The following MTCH1 variants were observed in gnomAD, a reference collection of about 807,000 sequenced individuals.
MTCH1 encodes the protein mitochondrial carrier 1.
In MTCH1, 23 loss-of-function variants were observed where a neutral mutation model predicts 49.3. That is an observed-to-expected ratio of 0.47 (90% confidence interval 0.34 to 0.66). The LOEUF (loss-of-function observed/expected upper bound fraction) is 0.66, where lower values mean the gene tolerates loss of function less well. Ranked by LOEUF, MTCH1 falls within the 30% of genes least tolerant of loss-of-function variation. The pLI is 0.01. For synonymous variants in MTCH1, 229 were observed against 215.2 expected (o/e 1.06, Z -0.56); for missense variants, 397 against 532.1 (o/e 0.75, Z 2.50).
chr6:36,969,994 G>A (rs1259150885), intron 11 of MTCH1, 45 bp downstream of exon 11: 1 of 1,608,616 alleles, frequency 6.2e-7, no homozygotes, highest in East Asian at 2.2e-5. Flanking sequence ...GCTGAAGGAT[G>A]TAGCAAAGAA....
rs750419175 is a variant in MTCH1 at position 36,972,901 on chromosome 6, G to T, written c.762-105C>A. The T allele has an allele frequency of 2.2e-5, 26 of 1,189,166 alleles. No individual in the cohort carries two copies. Among genetic ancestry groups the T allele is most frequent in the Admixed American group, 4.6e-5 (2 of 43,620 alleles). 73.7% of individuals were successfully genotyped at this position (1,189,166 alleles called of 1,614,324 possible). A position where few individuals can be genotyped will look rare whatever the true frequency, so the allele number is the denominator to read the frequency against. ...GGGATGTTCCGAGCTCAAAATCTTA[G>T]CATATCCAATGGCACAGCCTTAGAA... On this transcript the variant is annotated intron_variant, in intron 7 of 11. Transcript: ENST00000373627. The surrounding 1 kb of genome is among the most constrained non-coding windows in gnomAD (Gnocchi z 4.1).
chr6:36,974,672 T>C (rs1325077023), intron 7 of MTCH1, among the ~76,000 whole-genome samples: 1 of 152,098 alleles, frequency 6.6e-6, no homozygotes, highest in African/African-American at 2.4e-5. Flanking sequence ...GGGAGCAAAA[T>C]CACCTCCTGC....
upstream of MTCH1, chr6:36,986,241 C>A: frequency 7.5e-7 from 1 of 1,326,818 alleles, no homozygotes; most frequent in Non-Finnish European, 9.7e-7. Context: ...CGTCAGGGGG[C>A]GGGGCCGGGG....
chr6:36,969,418 C>T (rs1003202660), intron 11 of MTCH1: 30 of 1,063,914 alleles, frequency 2.8e-5, no homozygotes, highest in East Asian at 1.6e-4. Flanking sequence ...CATTTCACTG[C>T]GAGGCAAATC....
At chr6:36,979,072 A>G (rs1763999384) in intron 2 of MTCH1, among the ~76,000 whole-genome samples, 1 of 152,062 alleles carries the variant, frequency 6.6e-6, no homozygotes, top group Non-Finnish European at 1.5e-5. Context: ...AACCTAAAGG[A>G]GGGAAAAAGG....
chr6:36,970,803 T>G, intron 8 of MTCH1, 109 bp from the exon 9 acceptor site: 2 of 1,205,054 alleles, frequency 1.7e-6, no homozygotes, highest in Admixed American at 2.0e-5. Flanking sequence ...ACAAGCACGC[T>G]GCACATGCCT....
chr6:36,977,718 C>A lies in MTCH1; in HGVS notation c.592-27G>T, dbSNP rs1348784131. 1.3e-6 allele frequency: 2 copies of A among 1,586,910 alleles called. No homozygotes were observed. Among genetic ancestry groups the A allele is most frequent in the Non-Finnish European group, 1.7e-6 (2 of 1,165,474 alleles). On this transcript the variant is annotated intron_variant, in intron 4 of 11. Transcript: ENST00000373627. This position sits in a 1 kb window ranked among gnomAD's most constrained non-coding sequence, Gnocchi z 5.4. Reference sequence around the variant, plus strand: ...TGGAAGAGAGCATGGGGTGGGGACTCGCCACCCTCGGCCTGTCTCTGGAAC... The same window carrying A: ...TGGAAGAGAGCATGGGGTGGGGACTAGCCACCCTCGGCCTGTCTCTGGAAC...
chr6:36,985,436 C>T (rs2150755238), intron 1 of MTCH1, among the ~76,000 whole-genome samples: 1 of 150,802 alleles, frequency 6.6e-6, no homozygotes, highest in East Asian at 2.0e-4. Flanking sequence ...CTCCCCATCT[C>T]TTCACCCAAA....
chr6:36,978,900 C>CTTTTTTTTT (rs1227719777), intron 2 of MTCH1, among the ~76,000 whole-genome samples: 1 of 60,184 alleles, frequency 1.7e-5, no homozygotes, highest in African/African-American at 6.3e-5. Context: ...TTTTTTTTTG[C>CTTTTTTTTT]TTTAAAAACT....
chr6:36,986,143 AG>A lies in MTCH1; in HGVS notation c.30del (p.Trp11GlyfsTer82), dbSNP rs35538959. On this transcript the variant is annotated frameshift_variant, in exon 1 of 12. Transcript: ENST00000373627. LOFTEE classifies it high-confidence loss of function. The part of the protein sequence containing the change: MGASDPEVA[P>X]WARGGAAGMA... ...ATCCCCGCGGCACCGCCGCGAGCCC[AG>A]GGCGCCACTTCCGGGTCCGAAGCTC... 94,151 of 1,434,428 alleles carry A rather than the reference AG, an allele frequency of 0.066. 3,500 individuals carry two copies. The highest frequency in any genetic ancestry group is 0.1 in the Middle Eastern group (414 of 4,078). The allele number at this position is 1,434,428 out of a possible 1,614,324, so 88.9% of individuals were successfully genotyped here.
chr6:36,969,136 T>C, intron 11 of MTCH1, 162 bp from the exon 12 acceptor site: 1 of 985,402 alleles, frequency 1.0e-6, no homozygotes, highest in Non-Finnish European at 1.2e-6. Context: ...AATCTGCCTG[T>C]GTTGAAGCAG....
chr6:36,983,370 A>C (rs972082114), intron 1 of MTCH1, among the ~76,000 whole-genome samples: 7 of 152,196 alleles, frequency 4.6e-5, no homozygotes, highest in African/African-American at 1.4e-4. Context: ...AATCGCCACA[A>C]CTGCTCTTTT....
At chr6:36,986,408 G>T (rs941589504), upstream of MTCH1, 8 of 353,068 alleles carry the variant, frequency 2.3e-5, no homozygotes, top group Middle Eastern at 7.5e-4. Flanking sequence ...CTCGGGAGCT[G>T]TGGCGGCAGC....
chr6:36,985,726 CAAACCCG>C, intron 1 of MTCH1, 120 bp downstream of exon 1: 2 of 603,710 alleles, frequency 3.3e-6, no homozygotes, highest in Non-Finnish European at 5.3e-6. Context: ...CTCGGCCCCC[CAAACCCG>C]CCGTCCCCAC....
chr6:36,985,097 C>T (rs1764249405), intron 1 of MTCH1, among the ~76,000 whole-genome samples: 1 of 150,482 alleles, frequency 6.6e-6, no homozygotes, highest in South Asian at 2.1e-4. Flanking sequence ...ATACGCGTCA[C>T]CCTGTCCCCT....
upstream of MTCH1, chr6:36,986,238 G>T: frequency 1.5e-6 from 2 of 1,343,574 alleles, no homozygotes; most frequent in South Asian, 1.6e-5. Context: ...CGGCGTCAGG[G>T]GGCGGGGCCG....
At chr6:36,970,329 G>T in intron 10 of MTCH1, 77 bp downstream of exon 10, 1 of 1,569,574 alleles carries the variant, frequency 6.4e-7, no homozygotes, top group Non-Finnish European at 8.8e-7. Context: ...GGGGCAGAGT[G>T]CTGGAAGGGC....
At position 36,969,396 on chromosome 6, in the gene MTCH1, G is replaced by A. The variant is rs139145279; in HGVS notation, c.1099-422C>T. ...GCCACTCAGAGTTCTGGCTCCCTCC[G>A]GGCCACTGCCCCATTTCACTGCGAG... On this transcript the variant is annotated intron_variant, in intron 11 of 11. Coordinates refer to ENST00000373627, the MANE Select transcript of MTCH1 (RefSeq NM_001271641.2). The A allele has an allele frequency of 5.6e-5, 60 of 1,077,178 alleles. 1 individual carries two copies. The South Asian group carries it at 1.2e-3, about 22-fold the overall frequency. 66.7% of individuals were successfully genotyped at this position (1,077,178 alleles called of 1,614,324 possible).
At chr6:36,970,556 G>C in intron 9 of MTCH1, 83 bp from the exon 10 acceptor site, 1 of 1,607,350 alleles carries the variant, frequency 6.2e-7, no homozygotes, top group Non-Finnish European at 8.5e-7. Flanking sequence ...CCTGTACCAA[G>C]ACCTGCCTCC....
Sources: gnomAD v4.1 joint callset for allele counts (sites outside exome capture counted in the v4.1 genomes callset) on GRCh38, gnomAD v4.1.1 for gene constraint, Gnocchi (gnomAD v3.1) non-coding constraint, MANE v1.5 for transcripts, NCBI Gene and HGNC (gene_info 2026-07-23, HGNC 2026-07-21) for gene names.